PASK: variants seen among roughly 807,000 people sequenced by gnomAD.
PASK encodes PAS domain-containing serine/threonine-protein kinase.
Under a neutral mutation model 121.0 loss-of-function variants are expected in PASK, and 110 were observed. The observed-to-expected ratio is 0.91, with a 90% CI of 0.78 to 1.06. The LOEUF (loss-of-function observed/expected upper bound fraction) is 1.06, where lower values mean the gene tolerates loss of function less well. Ranked by LOEUF, PASK falls within the 50% of genes least tolerant of loss-of-function variation. The pLI, the probability that PASK is intolerant of heterozygous loss-of-function variation, is 0.00. For missense variants in PASK, 1,643 were observed against 1,702.3 expected (o/e 0.97, Z 0.61); for synonymous variants, 686 against 717.8 (o/e 0.96, Z 0.71).
intron 1 of PASK, among the ~76,000 whole-genome samples, chr2:241,148,968 G>A (rs1012804303): frequency 7.1e-6 from 1 of 140,410 alleles, no homozygotes; most frequent in Non-Finnish European, 1.5e-5. Context: ...CGCCGGCGGC[G>A]CGCGCCCCCG....
intron 9 of PASK, among the ~76,000 whole-genome samples, chr2:241,132,546 AAAAAAAAAG>A: frequency 6.6e-6 from 1 of 150,652 alleles, no homozygotes; most frequent in African/African-American, 2.4e-5. Flanking sequence ...AAAAAAAAAA[AAAAAAAAAG>A]AAAATGATAA....
In PASK at chr2:241,112,792, T is replaced by G. The variant is rs1559357173; in HGVS notation, c.3334-353A>C. The G allele has an allele frequency of 3.2e-6, 1 of 309,768 alleles. No homozygotes were observed. The highest frequency in any genetic ancestry group is 2.2e-5 in the African/African-American group (1 of 45,184). 19.2% of individuals were successfully genotyped at this position (309,768 alleles called of 1,614,324 possible). On this transcript the variant is annotated intron_variant, in intron 14 of 17. Transcript: ENST00000234040. This position sits in a 1 kb window ranked among gnomAD's most constrained non-coding sequence, Gnocchi z 5.2. ...GAAAGACAGGCCACAAAGCCACAGC[T>G]CAAAGACACTCATGGTGGGCAAGTG...
intron 14 of PASK, chr2:241,114,709 G>C: frequency 5.3e-6 from 7 of 1,328,922 alleles, no homozygotes; most frequent in Non-Finnish European, 5.8e-6. Flanking sequence ...ACATGCCTTT[G>C]AGACGCTCTC....
At chr2:241,138,619 C>A (rs918688324) in intron 5 of PASK, 35 bp downstream of exon 5, 1 of 1,612,106 alleles carries the variant, frequency 6.2e-7, no homozygotes, top group Non-Finnish European at 8.5e-7. Context: ...CCGGCTCCAG[C>A]GTCCATGAGA....
At position 241,108,389 on chromosome 2, in the gene PASK, C is replaced by T; in HGVS notation, c.3534-89G>A. On this transcript the variant is annotated intron_variant, in intron 15 of 17. Transcript: ENST00000234040. The surrounding 1 kb of genome is among the most constrained non-coding windows in gnomAD (Gnocchi z 5.2). ...TGGGAAGCACCATGGCCCTTCCCGA[C>T]CAGCACACAGGCCAGGCAGTGGTTT... The T allele has an allele frequency of 8.2e-6, 11 of 1,337,410 alleles. No individual in the cohort carries two copies. Among genetic ancestry groups the T allele is most frequent in the Non-Finnish European group, 1.1e-5 (10 of 940,862 alleles). The allele number at this position is 1,337,410 out of a possible 1,614,324, so 82.8% of individuals were successfully genotyped here. A position where few individuals can be genotyped will look rare whatever the true frequency, so the allele number is the denominator to read the frequency against.
intron 12 of PASK, among the ~76,000 whole-genome samples, chr2:241,122,069 T>C (rs2065637322): frequency 6.6e-6 from 1 of 152,174 alleles, no homozygotes; most frequent in Non-Finnish European, 1.5e-5. Flanking sequence ...AATGAATGAA[T>C]GTGAAAGCAC....
At chr2:241,146,402 G>A (rs1273416506) in intron 1 of PASK, among the ~76,000 whole-genome samples, 2 of 152,150 alleles carry the variant, frequency 1.3e-5, no homozygotes, top group Admixed American at 6.5e-5. Context: ...GAATGTTCGG[G>A]ACAATATGGT....
At chr2:241,142,751 TG>T in intron 2 of PASK, 85 bp downstream of exon 2, 1 of 1,055,168 alleles carries the variant, frequency 9.5e-7, no homozygotes, top group Non-Finnish European at 1.4e-6. Context: ...CTTCAATCCC[TG>T]GTGAGAGGGT....
Position 241,126,863 on chromosome 2 carries a change from C to T in PASK, c.2052G>A (p.Pro684=), listed in dbSNP as rs375495425. The change falls in exon 10 of 18, where the codon CCG becomes CCA. Residue 684 remains proline (P), a synonymous_variant. Coordinates refer to ENST00000234040, the MANE Select transcript of PASK (RefSeq NM_015148.4). ...ALDVPHAELV[P]TECQAVTAPV... ...GAGCGGTGACAGCCTGGCACTCTGTCGGAACGAGTTCGGCGTGGGGGACAT... is the reference window on the plus strand; with the variant it reads ...GAGCGGTGACAGCCTGGCACTCTGTTGGAACGAGTTCGGCGTGGGGGACAT... 161 of 1,612,698 alleles carry T rather than the reference C, an allele frequency of 1.0e-4. No individual in the cohort carries two copies. The highest frequency in any genetic ancestry group is 1.0e-4 in the Non-Finnish European group (120 of 1,179,050).
In PASK at chr2:241,108,468, T is replaced by C; in HGVS notation, c.3534-168A>G. On this transcript the variant is annotated intron_variant, in intron 15 of 17. Coordinates refer to ENST00000234040, the MANE Select transcript of PASK (RefSeq NM_015148.4). The surrounding 1 kb of genome is among the most constrained non-coding windows in gnomAD (Gnocchi z 5.2). ...AACACGCCCTCCATTTCCACGCACT[T>C]CTGCCCCAGGCCAGCCAGCAGGCCA... is the stretch of plus-strand genomic sequence containing the variant. 1 of 712,132 alleles carries C rather than the reference T, an allele frequency of 1.4e-6. No individual in the cohort carries two copies. The highest frequency in any genetic ancestry group is 1.6e-5 in the South Asian group (1 of 63,304). The allele number at this position is 712,132 out of a possible 1,614,324, so 44.1% of individuals were successfully genotyped here.
In PASK at chr2:241,132,911, G is replaced by C; in HGVS notation, c.1426C>G (p.Gln476Glu). The change falls in exon 9 of 18, where the codon CAG becomes GAG. Residue 476 changes from glutamine to glutamate, a missense_variant. By Grantham distance (29) the Gln-to-Glu change is conservative (BLOSUM62 2). Coordinates refer to ENST00000234040, the MANE Select transcript of PASK (RefSeq NM_015148.4). ...TGAGGTGAGAGGCAGGAAAGGAGCT[G>C]GCCTCCAGCAATCAGCTCAGTCTGA... ...GTQTELIAGG[Q>E]LLSCLSPQPA... The C allele has an allele frequency of 6.2e-7, 1 of 1,614,086 alleles. No individual in the cohort carries two copies. Among genetic ancestry groups the C allele is most frequent in the Non-Finnish European group, 8.5e-7 (1 of 1,179,952 alleles).
chr2:241,135,750 C>T (rs1014501246), intron 8 of PASK, 121 bp downstream of exon 8: 15 of 911,544 alleles, frequency 1.6e-5, no homozygotes, highest in South Asian at 8.3e-5. Context: ...CTCCGCCCCC[C>T]ACCACCCCTG....
chr2:241,149,809 G>T (rs1001519465), upstream of PASK: 3 of 1,531,564 alleles, frequency 2.0e-6, no homozygotes, highest in African/African-American at 2.7e-5. Context: ...GTAGACGAAG[G>T]CTGCAGCGTC....
In PASK at chr2:241,137,226, G is replaced by A. The variant is rs779444106; in HGVS notation, c.915C>T (p.Asp305=). The stretch of plus-strand genomic sequence containing the variant: ...TTAAGCTCAGAGGGAAGGTGGTACC[G>A]TCCCTGGCTCTTCCAACAGACCTCT... ...KIQRSVGRAR[D]GTTFPLSLKL... is the part of the protein sequence containing the mutation. Residue 305 remains aspartate (D), a synonymous_variant, in exon 7 of 18, where the codon GAC becomes GAT. Transcript: ENST00000234040. 129 of 1,608,086 alleles carry A rather than the reference G, an allele frequency of 8.0e-5. No individual in the cohort carries two copies. The highest frequency in any genetic ancestry group is 9.9e-5 in the Non-Finnish European group (116 of 1,174,558).
intron 14 of PASK, chr2:241,114,464 C>T: frequency 1.0e-6 from 1 of 997,472 alleles, no homozygotes; most frequent in South Asian, 4.4e-5. Context: ...TAAAACCCAA[C>T]ACGAGTTACC....
intron 4 of PASK, 50 bp from the exon 5 acceptor site, chr2:241,138,844 A>AAT (rs2066567317): frequency 6.3e-7 from 1 of 1,596,830 alleles, no homozygotes; most frequent in African/African-American, 1.3e-5. Context: ...CCAAAAGACC[A>AAT]GTATGGGTGG....
intron 1 of PASK, among the ~76,000 whole-genome samples, chr2:241,143,821 T>C (rs2066824562): frequency 6.6e-6 from 1 of 152,244 alleles, no homozygotes; most frequent in South Asian, 2.1e-4. Flanking sequence ...ATCACCTGGG[T>C]GCTGCCAACA....
chr2:241,114,339 C>G (rs1032965513), intron 14 of PASK: 7 of 985,270 alleles, frequency 7.1e-6, no homozygotes, highest in Non-Finnish European at 8.4e-6. Flanking sequence ...TCGAGTTGTC[C>G]CCAGCAAACA....
chr2:241,122,869 G>C lies in PASK; in HGVS notation c.2935C>G (p.Pro979Ala), dbSNP rs537042742. 9 of 1,614,044 alleles carry C rather than the reference G, an allele frequency of 5.6e-6. No homozygotes were observed. The East Asian group carries it at 1.8e-4, about 32-fold the overall frequency. Residue 979 changes from proline (P) to alanine (A), a missense_variant, in exon 12 of 18, where the codon CCC (proline) becomes GCC (alanine). Coordinates refer to ENST00000234040, the MANE Select transcript of PASK (RefSeq NM_015148.4). ...CCCTCCAGTTCCACAGCCTTGGGGG[G>C]CTCCTCAAACCAGGGTCTGGCTCTG... is the stretch of plus-strand genomic sequence containing the variant. ...VLRARPWFEE[P>A]PKAVELEGLA...
Sources: allele counts gnomAD v4.1 joint callset (sites outside exome capture counted in the v4.1 genomes callset), GRCh38; gene constraint gnomAD v4.1.1; non-coding constraint Gnocchi (gnomAD v3.1); transcripts MANE v1.5; gene names NCBI Gene and HGNC (gene_info 2026-07-23, HGNC 2026-07-21).